The following IRF2 variants were observed in gnomAD, a reference collection of about 807,000 sequenced individuals.
The protein encoded by IRF2 is interferon regulatory factor 2.
In IRF2, 15 loss-of-function variants were observed where a neutral mutation model predicts 40.6. That is an observed-to-expected ratio of 0.37 (90% CI 0.25 to 0.57). IRF2 has a LOEUF of 0.57. Among genes scored for constraint, IRF2 ranks in the 20% least tolerant of loss-of-function variants. IRF2 has a pLI of 0.77. For synonymous variants in IRF2, 151 were observed against 165.5 expected (o/e 0.91, Z 0.67); for missense variants, 317 against 455.7 (o/e 0.70, Z 2.77).
At chr4:184,436,629 C>G (rs768975076) in intron 1 of IRF2, among the ~76,000 whole-genome samples, 9 of 152,048 alleles carry the variant, frequency 5.9e-5, no homozygotes, top group Non-Finnish European at 1.0e-4. Context: ...AAAGGAAGAC[C>G]TTAATGGATG....
intron 7 of IRF2, among the ~76,000 whole-genome samples, chr4:184,394,291 ACT>A (rs1274538544): frequency 6.6e-6 from 1 of 151,940 alleles, no homozygotes; most frequent in Non-Finnish European, 1.5e-5. Flanking sequence ...TTGTAGGTTC[ACT>A]CTCTATCCAG....
At position 184,424,112 on chromosome 4, in the gene IRF2, A is replaced by AT. The variant is rs1737583170; in HGVS notation, c.88-4545_88-4544insA. Among the ~76,000 whole-genome samples, 3 of 152,326 alleles carry AT rather than the reference A, an allele frequency of 2.0e-5. No homozygotes were observed. In the South Asian group the frequency reaches 6.2e-4, roughly 32 times the overall value. On this transcript the variant is annotated intron_variant, in intron 2 of 8. Coordinates refer to ENST00000393593, the MANE Select transcript of IRF2 (RefSeq NM_002199.4). ...GATAAGGCAAAATATTCATACATCT[A>AT]GATACAGGCATATGAAAATTTGCTA...
intron 5 of IRF2, among the ~76,000 whole-genome samples, chr4:184,416,028 T>C (rs1436321082): frequency 1.3e-5 from 2 of 152,096 alleles, no homozygotes; most frequent in African/African-American, 4.8e-5. Flanking sequence ...GCCTTAAAAA[T>C]ACAAACTCAG....
chr4:184,439,341 A>T (rs981236897), intron 1 of IRF2, among the ~76,000 whole-genome samples: 2 of 141,098 alleles, frequency 1.4e-5, no homozygotes, highest in Non-Finnish European at 1.5e-5. Context: ...AGCGGGGCGG[A>T]GCGGGGGTAC....
At chr4:184,458,003 T>C (rs919018646) in intron 1 of IRF2, among the ~76,000 whole-genome samples, 5 of 151,906 alleles carry the variant, frequency 3.3e-5, no homozygotes, top group Admixed American at 3.3e-4. Flanking sequence ...CCCTGGAGAG[T>C]GGTCCATGCA....
chr4:184,473,052 G>A (rs1220850010), intron 1 of IRF2, among the ~76,000 whole-genome samples: 2 of 151,588 alleles, frequency 1.3e-5, no homozygotes, highest in Admixed American at 6.6e-5. Context: ...CCGGCCCCCA[G>A]GCCGTGCCAC....
intron 1 of IRF2, among the ~76,000 whole-genome samples, chr4:184,451,916 G>A (rs1353517494): frequency 6.6e-6 from 1 of 152,194 alleles, no homozygotes; most frequent in African/African-American, 2.4e-5. Flanking sequence ...AAGAAGATAA[G>A]TTAGCAGCTG....
intron 3 of IRF2, among the ~76,000 whole-genome samples, chr4:184,419,197 A>T (rs1305010263): frequency 6.6e-6 from 1 of 152,174 alleles, no homozygotes; most frequent in East Asian, 1.9e-4. Context: ...GCATCAGAAC[A>T]ACTGAGTTTC....
chr4:184,455,669 A>T (rs1274893810), intron 1 of IRF2, among the ~76,000 whole-genome samples: 1 of 152,144 alleles, frequency 6.6e-6, no homozygotes, highest in Non-Finnish European at 1.5e-5. Flanking sequence ...GATAAGGCGG[A>T]TGATATTAAC....
intron 1 of IRF2, among the ~76,000 whole-genome samples, chr4:184,459,293 A>G (rs1315721943): frequency 6.6e-6 from 1 of 152,236 alleles, no homozygotes; most frequent in Non-Finnish European, 1.5e-5. Context: ...AAAAAAAATA[A>G]TTATTTACTG....
At chr4:184,419,345 G>T in intron 3 of IRF2, 124 bp downstream of exon 3, 1 of 714,548 alleles carries the variant, frequency 1.4e-6, no homozygotes, top group Non-Finnish European at 2.5e-6. Context: ...ATGTGCCTAG[G>T]GACAAGTCAC....
chr4:184,427,451 C>T (rs57686276), intron 2 of IRF2, among the ~76,000 whole-genome samples: 22,017 of 152,106 alleles, frequency 0.14, 1,885 homozygotes, highest in African/African-American at 0.24. Flanking sequence ...TCCTGAAGTT[C>T]CAGACCAGTC....
At chr4:184,407,310 G>T (rs1053898440) in intron 6 of IRF2, 2 of 1,212,260 alleles carry the variant, frequency 1.6e-6, no homozygotes, top group Non-Finnish European at 2.1e-6. Context: ...ATAAAAAGGA[G>T]TTTTTTCTTC....
At chr4:184,451,760 T>C (rs751101990) in intron 1 of IRF2, among the ~76,000 whole-genome samples, 14 of 152,172 alleles carry the variant, frequency 9.2e-5, no homozygotes, top group African/African-American at 1.9e-4. Flanking sequence ...AAAGTGAACA[T>C]TGAAGTCCCC....
intron 5 of IRF2, among the ~76,000 whole-genome samples, chr4:184,410,806 C>T (rs921157987): frequency 6.6e-6 from 1 of 152,170 alleles, no homozygotes; most frequent in Admixed American, 6.5e-5. Flanking sequence ...CTAAGTGTTA[C>T]ACATGATCTA....
intron 1 of IRF2, among the ~76,000 whole-genome samples, chr4:184,447,633 A>T (rs534655361): frequency 5.3e-5 from 8 of 152,250 alleles, no homozygotes; most frequent in Admixed American, 5.2e-4. Context: ...TAAAAGATCA[A>T]ATGAACGTTA....
chr4:184,398,886 G>A (rs748859954), intron 7 of IRF2, 29 bp downstream of exon 7: 28 of 1,553,848 alleles, frequency 1.8e-5, no homozygotes, highest in Middle Eastern at 2.0e-4. Context: ...CGGTTCCCAC[G>A]CCTCCCGGAG....
intron 1 of IRF2, among the ~76,000 whole-genome samples, chr4:184,464,293 C>T (rs1421836689): frequency 6.6e-6 from 1 of 150,884 alleles, no homozygotes; most frequent in Non-Finnish European, 1.5e-5. Flanking sequence ...GGAGACTGTT[C>T]AGGACATGAA....
intron 7 of IRF2, among the ~76,000 whole-genome samples, chr4:184,398,545 A>T (rs1736549983): frequency 6.6e-6 from 1 of 151,906 alleles, no homozygotes; most frequent in Non-Finnish European, 1.5e-5. Flanking sequence ...AATCCCAGCT[A>T]CTCAGGAGGC....
Sources: gnomAD v4.1 joint callset for allele counts (sites outside exome capture counted in the v4.1 genomes callset) on GRCh38, gnomAD v4.1.1 for gene constraint, MANE v1.5 for transcripts, NCBI Gene and HGNC (gene_info 2026-07-23, HGNC 2026-07-21) for gene names.